The following TTLL11 variants were observed in gnomAD, a reference collection of about 807,000 sequenced individuals.
TTLL11 encodes tubulin tyrosine ligase like 11, also known as tubulin polyglutamylase TTLL11.
Under a neutral mutation model 51.7 loss-of-function variants are expected in TTLL11, and 42 were observed. The observed-to-expected ratio is 0.81, with a 90% CI of 0.64 to 1.05. The LOEUF (loss-of-function observed/expected upper bound fraction) is 1.05. Ranked by LOEUF, TTLL11 falls within the 50% of genes least tolerant of loss-of-function variation. The probability of loss-of-function intolerance (pLI) is 0.00; values close to 1 mark genes in which losing one functional copy is unlikely to be tolerated. For synonymous variants in TTLL11, 381 were observed against 383.5 expected (o/e 0.99, Z 0.08); for missense variants, 799 against 940.4 (o/e 0.85, Z 1.97).
chr9:121,915,478 C>G (rs1840289447), intron 6 of TTLL11, among the ~76,000 whole-genome samples: 1 of 152,152 alleles, frequency 6.6e-6, no homozygotes, highest in South Asian at 2.1e-4. Flanking sequence ...TTTGCTTATT[C>G]TGACACCCAT....
intron 1 of TTLL11, among the ~76,000 whole-genome samples, chr9:122,044,352 A>G (rs965854847): frequency 5.3e-5 from 8 of 152,172 alleles, no homozygotes; most frequent in Non-Finnish European, 1.0e-4. Flanking sequence ...AGCATGATTT[A>G]TAATCCTTTG....
chr9:122,074,644 AC>A, intron 1 of TTLL11, among the ~76,000 whole-genome samples: 1 of 151,622 alleles, frequency 6.6e-6, no homozygotes, highest in South Asian at 2.1e-4. Context: ...GCTCACACCT[AC>A]AATCCCAGCA....
At chr9:121,832,014 A>C (rs1837032346) in intron 8 of TTLL11, among the ~76,000 whole-genome samples, 1 of 152,110 alleles carries the variant, frequency 6.6e-6, no homozygotes, top group South Asian at 2.1e-4. Flanking sequence ...CATGGCAGAG[A>C]GGCAGATTGG....
intron 6 of TTLL11, among the ~76,000 whole-genome samples, chr9:121,907,288 A>G (rs1839980338): frequency 6.6e-6 from 1 of 151,984 alleles, no homozygotes; most frequent in South Asian, 2.1e-4. Flanking sequence ...CTTCTCTACT[A>G]AAAATACAAA....
intron 6 of TTLL11, among the ~76,000 whole-genome samples, chr9:121,897,640 A>ACACACACGCGCGCG (rs111331446): frequency 2.9e-5 from 4 of 139,292 alleles, no homozygotes; most frequent in Non-Finnish European, 6.2e-5. Flanking sequence ...ACACACACAC[A>ACACACACGCGCGCG]CGCGCGCGCG....
intron 3 of TTLL11, among the ~76,000 whole-genome samples, chr9:122,031,516 C>T (rs1844542007): frequency 6.6e-6 from 1 of 152,144 alleles, no homozygotes; most frequent in African/African-American, 2.4e-5. Flanking sequence ...TGTCAAGACC[C>T]GTTTCTTCAG....
intron 3 of TTLL11, among the ~76,000 whole-genome samples, chr9:122,007,001 A>C (rs888385168): frequency 3.1e-4 from 47 of 149,684 alleles, no homozygotes; most frequent in Middle Eastern, 3.4e-3. Context: ...AAAAAAAAAA[A>C]AAAAAAAACT....
At chr9:122,002,928 G>A (rs1001587334) in intron 3 of TTLL11, among the ~76,000 whole-genome samples, 10 of 118,746 alleles carry the variant, frequency 8.4e-5, no homozygotes, top group Non-Finnish European at 1.3e-4. Context: ...CCTGGCAACA[G>A]AGTGAGACTC....
chr9:121,874,298 C>T (rs1349802707), intron 6 of TTLL11, among the ~76,000 whole-genome samples: 1 of 152,182 alleles, frequency 6.6e-6, no homozygotes, highest in Non-Finnish European at 1.5e-5. Flanking sequence ...TGCACCCGAC[C>T]CACCACCCCA....
At chr9:122,036,008 A>G (rs1844690068) in intron 2 of TTLL11, among the ~76,000 whole-genome samples, 1 of 152,158 alleles carries the variant, frequency 6.6e-6, no homozygotes. Context: ...CATGGGGATC[A>G]GGCCCATCCA....
intron 6 of TTLL11, among the ~76,000 whole-genome samples, chr9:121,905,834 G>A (rs1387933625): frequency 6.6e-6 from 1 of 152,040 alleles, no homozygotes; most frequent in African/African-American, 2.4e-5. Flanking sequence ...TTATGTCTTT[G>A]GTGCAAATTC....
intron 1 of TTLL11, among the ~76,000 whole-genome samples, chr9:122,081,675 C>A (rs1474113848): frequency 6.6e-6 from 1 of 152,172 alleles, no homozygotes; most frequent in African/African-American, 2.4e-5. Flanking sequence ...TTTCTTCTGC[C>A]TTCTTGAGCT....
intron 6 of TTLL11, among the ~76,000 whole-genome samples, chr9:121,948,431 T>C (rs186538067): frequency 6.6e-6 from 1 of 152,294 alleles, no homozygotes; most frequent in East Asian, 1.9e-4. Context: ...TAGCAAATTA[T>C]AGAAACGATT....
chr9:121,954,678 GCA>G (rs71371904), intron 6 of TTLL11, among the ~76,000 whole-genome samples: 205 of 149,398 alleles, frequency 1.4e-3, no homozygotes, highest in African/African-American at 4.0e-3. Flanking sequence ...ACACACAGAC[GCA>G]CACACACACA....
At chr9:121,893,547 A>C (rs952900894) in intron 6 of TTLL11, among the ~76,000 whole-genome samples, 2 of 152,196 alleles carry the variant, frequency 1.3e-5, no homozygotes, top group African/African-American at 4.8e-5. Context: ...CTATGGCGGG[A>C]GAGGGACTCA....
intron 1 of TTLL11, among the ~76,000 whole-genome samples, chr9:122,085,608 GACT>G (rs1211996132): frequency 2.6e-5 from 4 of 152,000 alleles, no homozygotes; most frequent in Non-Finnish European, 5.9e-5. Context: ...TACATATATG[GACT>G]ACATTTTATA....
At chr9:122,020,119 C>T (rs868195338) in intron 3 of TTLL11, among the ~76,000 whole-genome samples, 7 of 152,324 alleles carry the variant, frequency 4.6e-5, no homozygotes, top group Non-Finnish European at 5.9e-5. Flanking sequence ...CATGCCTGCC[C>T]TAAATCCTTT....
intron 8 of TTLL11, among the ~76,000 whole-genome samples, chr9:121,859,284 A>G (rs1007597787): frequency 1.3e-5 from 2 of 151,736 alleles, no homozygotes; most frequent in Non-Finnish European, 2.9e-5. Flanking sequence ...TGAGCTCAGG[A>G]GTTCAAGACC....
At chr9:121,982,717 C>CAAAAAAAA (rs71371907) in intron 4 of TTLL11, among the ~76,000 whole-genome samples, 4 of 97,418 alleles carry the variant, frequency 4.1e-5, no homozygotes, top group Admixed American at 1.2e-4. Flanking sequence ...AACTCCAACT[C>CAAAAAAAA]AAAAAAAAAA....
Sources: allele counts gnomAD v4.1 joint callset (sites outside exome capture counted in the v4.1 genomes callset), GRCh38; gene constraint gnomAD v4.1.1; transcripts MANE v1.5; gene names NCBI Gene and HGNC (gene_info 2026-07-23, HGNC 2026-07-21).